Variants in SIN3B observed in about 807,000 individuals in gnomAD.
SIN3B encodes the protein SIN3 transcription regulator family member B, also known as paired amphipathic helix protein Sin3b.
In SIN3B, 19 loss-of-function variants were observed where a neutral mutation model predicts 120.2. The observed-to-expected ratio is 0.16, with a 90% CI of 0.11 to 0.23. SIN3B has a LOEUF of 0.23. Ranked by LOEUF, SIN3B falls within the 10% of genes least tolerant of loss-of-function variation. The pLI, the probability that SIN3B is intolerant of heterozygous loss-of-function variation, is 1.00. For missense variants in SIN3B, 1,073 were observed against 1,573.0 expected (o/e 0.68, Z 5.38); for synonymous variants, 654 against 653.2 (o/e 1.00, Z -0.02).
chr19:16,832,537 G>GACAGGTTCTCC (rs1971293067), intron 3 of SIN3B, among the ~76,000 whole-genome samples: 1 of 139,180 alleles, frequency 7.2e-6, no homozygotes. Flanking sequence ...TTCTCACTCT[G>GACAGGTTCTCC]TTGCCCAGGC....
In SIN3B at chr19:16,862,636, C is replaced by A. The variant is rs1971705214; in HGVS notation, c.1266+77C>A. 7.4e-7 allele frequency: 1 copy of A among 1,343,574 alleles called. No individual in the cohort carries two copies. The highest frequency in any genetic ancestry group is 1.0e-6 in the Non-Finnish European group (1 of 953,318). 83.2% of individuals were successfully genotyped at this position (1,343,574 alleles called of 1,614,324 possible). Reference sequence around the variant, plus strand: ...CTCCCCAGCAAACACCCGATACCCCCGTTATGAATGAAATGCTGTGTGCTC... The same window carrying A: ...CTCCCCAGCAAACACCCGATACCCCAGTTATGAATGAAATGCTGTGTGCTC... On this transcript the variant is annotated intron_variant, in intron 9 of 18. Transcript: ENST00000248054. The surrounding 1 kb of genome is among the most constrained non-coding windows in gnomAD (Gnocchi z 4.7).
rs757416637 is a variant in SIN3B, at chr19:16,851,525, A to C, written c.840A>C (p.Ala280=). ...CCTCGCTCCTCCGCCCCGTGTCTGC[A>C]CCCGCCAAGGTACCTGTGAGCCACA... ...SRPSLLRPVS[A]PAKKKMKLRG... Residue 280 remains alanine, a synonymous_variant, in exon 6 of 19, where the codon GCA becomes GCC. Transcript: ENST00000248054. 5.1e-5 allele frequency: 81 copies of C among 1,597,392 alleles called. No individual in the cohort carries two copies. In the Admixed American group the frequency reaches 9.3e-4, roughly 18 times the overall value.
Position 16,871,241 on chromosome 19 carries a change from T to C in SIN3B, c.2435T>C (p.Leu812Pro), listed in dbSNP as rs374054984. 6.2e-7 allele frequency: 1 copy of C among 1,614,172 alleles called. No homozygotes were observed. The highest frequency in any genetic ancestry group is 8.5e-7 in the Non-Finnish European group (1 of 1,180,012). ...LRLKQPSEVE[L>P]EEYYPAFLDM... ...TGTGTCTCCGCAGGTGAAGTGGAGC[T>C]GGAGGAGTACTACCCGGCCTTCCTG... The change falls in exon 14 of 19, where the codon CTG (leucine) becomes CCG (proline). Residue 812 changes from leucine to proline, a missense_variant. Coordinates refer to ENST00000248054, the MANE Select transcript of SIN3B (RefSeq NM_001297595.2).
chr19:16,844,358 GA>G (rs1971454555), intron 4 of SIN3B: 1 of 152,306 alleles, frequency 6.6e-6, no homozygotes, highest in South Asian at 2.1e-4. Context: ...CTTTCCTTCA[GA>G]CTTTCTCTCT....
chr19:16,861,862 G>A (rs976782574), intron 8 of SIN3B, among the ~76,000 whole-genome samples: 23 of 152,084 alleles, frequency 1.5e-4, no homozygotes, highest in Non-Finnish European at 2.4e-4. Flanking sequence ...TTGAGCCCAC[G>A]AGTTTGAGGT....
At position 16,829,512 on chromosome 19, in the gene SIN3B, C is replaced by G; in HGVS notation, c.92C>G (p.Ser31Cys). Residue 31 changes from serine (S) to cysteine (C), a missense_variant, in exon 1 of 19, where the codon TCC becomes TGC. By Grantham distance (112) the Ser-to-Cys change is moderately radical. This residue lies in a region of SIN3B where 395 missense variants were observed against 528.0 expected (regional missense o/e 0.75). Transcript: ENST00000248054. The part of the protein sequence containing the change: ...LSGARWGRSG[S>C]AGHEKLPVHV... ...GGCGCCCGCTGGGGTCGCTCGGGCT[C>G]CGCAGGCCACGAGAAGCTGCCGGTG... The G allele has an allele frequency of 8.2e-7, 1 of 1,225,914 alleles. No individual in the cohort carries two copies. Among genetic ancestry groups the G allele is most frequent in the Non-Finnish European group, 1.0e-6 (1 of 983,816 alleles). 75.9% of individuals were successfully genotyped at this position (1,225,914 alleles called of 1,614,324 possible).
rs1187271408 is a variant in SIN3B, at chr19:16,879,874, G to C, written c.*1147G>C. 1 of 152,232 alleles carries C rather than the reference G, an allele frequency of 6.6e-6. No individual in the cohort carries two copies. The highest frequency in any genetic ancestry group is 1.5e-5 in the Non-Finnish European group (1 of 68,074). The allele number at this position is 152,232 out of a possible 1,614,324, so 9.4% of individuals were successfully genotyped here. The stretch of plus-strand genomic sequence containing the variant: ...CCCTGGCCCTGGCCCCTGCACACCA[G>C]TAGGCCCAGAATAACCGCCACCCTT... On this transcript the variant is annotated 3_prime_UTR_variant, in exon 19 of 19. Coordinates refer to ENST00000248054, the MANE Select transcript of SIN3B (RefSeq NM_001297595.2).
At position 16,870,212 on chromosome 19, in the gene SIN3B, T is replaced by A. The variant is rs987682400; in HGVS notation, c.2422+137T>A. On this transcript the variant is annotated intron_variant, in intron 13 of 18. Transcript: ENST00000248054. ...AATTCTGTGATTTCAAATGGGAAAT[T>A]GCAAACAGGAAGTTGCCAGCATAAG... 14 of 1,102,222 alleles carry A rather than the reference T, an allele frequency of 1.3e-5. No homozygotes were observed. In the African/African-American group the frequency reaches 2.2e-4, roughly 17 times the overall value. 68.3% of individuals were successfully genotyped at this position (1,102,222 alleles called of 1,614,324 possible).
At chr19:16,830,038 CCTT>C (rs1971259968) in intron 2 of SIN3B, 141 bp downstream of exon 2, 1 of 610,724 alleles carries the variant, frequency 1.6e-6, no homozygotes, top group Admixed American at 2.8e-5. Context: ...AGCCCTAGCT[CCTT>C]CTCGTAACAA....
chr19:16,842,405 C>CTTT (rs764926291), intron 4 of SIN3B, among the ~76,000 whole-genome samples: 11 of 126,894 alleles, frequency 8.7e-5, no homozygotes, highest in Admixed American at 7.3e-4. Flanking sequence ...GCCCAGCCAC[C>CTTT]TTTTTTTTTT....
chr19:16,841,779 C>T lies in SIN3B; in HGVS notation c.393C>T (p.His131=). The change falls in exon 4 of 19, where the codon CAC becomes CAT. Residue 131 remains histidine, a synonymous_variant. Transcript: ENST00000248054. ...TGTCGCCTTGTCAGGAGAATTCGCA[C>T]AACCACGGGGACGGTGCAGAGGACT... ...QSPLTSQENS[H]NHGDGAEDFK... 6.2e-7 allele frequency: 1 copy of T among 1,613,914 alleles called. No individual in the cohort carries two copies.
chr19:16,845,596 C>T (rs1473571727), intron 4 of SIN3B, among the ~76,000 whole-genome samples: 4 of 152,110 alleles, frequency 2.6e-5, no homozygotes, highest in African/African-American at 9.7e-5. Flanking sequence ...TTGAGAGCAC[C>T]TGCTCCCCAC....
At chr19:16,835,814 T>C (rs1353843922) in intron 3 of SIN3B, among the ~76,000 whole-genome samples, 2 of 152,170 alleles carry the variant, frequency 1.3e-5, no homozygotes, top group Non-Finnish European at 2.9e-5. Context: ...CCACTGTGCC[T>C]GGCCTTTTTT....
chr19:16,831,104 C>T (rs1313024251), intron 2 of SIN3B, among the ~76,000 whole-genome samples: 5 of 151,694 alleles, frequency 3.3e-5, no homozygotes, highest in Admixed American at 2.6e-4. Context: ...GTGCTGTCGC[C>T]CAGGCTGGAG....
intron 8 of SIN3B, among the ~76,000 whole-genome samples, chr19:16,857,852 C>T (rs567119970): frequency 1.3e-5 from 2 of 152,078 alleles, no homozygotes; most frequent in African/African-American, 4.8e-5. Flanking sequence ...CTTTGCTTTG[C>T]TTCTTTTCTC....
chr19:16,865,766 C>T, intron 11 of SIN3B, 118 bp downstream of exon 11: 1 of 688,072 alleles, frequency 1.5e-6, no homozygotes. Flanking sequence ...TGTTTGTCAA[C>T]AGGTGTCATC....
At chr19:16,869,302 C>G (rs533844995) in intron 12 of SIN3B, among the ~76,000 whole-genome samples, 158 bp from the exon 13 acceptor site, 2 of 152,306 alleles carry the variant, frequency 1.3e-5, no homozygotes, top group Admixed American at 1.3e-4. Flanking sequence ...CGACCTACCC[C>G]CCAGGCCCTG....
At position 16,838,778 on chromosome 19, in the gene SIN3B, TCTC is replaced by T. The variant is rs1971379874; in HGVS notation, c.382-2987_382-2985del. Among the ~76,000 whole-genome samples, 3 of 152,074 alleles carry T rather than the reference TCTC, an allele frequency of 2.0e-5. No homozygotes were observed. The South Asian group carries it at 6.2e-4, about 32-fold the overall frequency. ...CTTCTGCTTCTCAGGTTCAAGCAAT[TCTC>T]CTGCTTCAGCCTTCCAAGTAGCCGG... On this transcript the variant is annotated intron_variant, in intron 3 of 18. Coordinates refer to ENST00000248054, the MANE Select transcript of SIN3B (RefSeq NM_001297595.2).
At chr19:16,863,945 C>T (rs16981453) in intron 10 of SIN3B, 149 bp downstream of exon 10, 30,586 of 612,564 alleles carry the variant, frequency 0.05, 1,645 homozygotes, top group African/African-American at 0.19. Flanking sequence ...AGCTTCCTGC[C>T]GGGTCTTGCT....
Sources: gnomAD v4.1 joint callset for allele counts (sites outside exome capture counted in the v4.1 genomes callset) on GRCh38, gnomAD v4.1.1 for gene constraint, gnomAD v4.1.1 regional missense constraint, Gnocchi (gnomAD v3.1) non-coding constraint, MANE v1.5 for transcripts, NCBI Gene and HGNC (gene_info 2026-07-23, HGNC 2026-07-21) for gene names.